The following FUT8 variants were observed in gnomAD, a reference collection of about 807,000 sequenced individuals.
FUT8 encodes fucosyltransferase 8.
In FUT8, 29 loss-of-function variants were observed where a neutral mutation model predicts 71.3. The observed-to-expected ratio is 0.41, with a 90% CI of 0.30 to 0.55. The LOEUF (loss-of-function observed/expected upper bound fraction) is 0.55, where lower values mean the gene tolerates loss of function less well. Ranked by LOEUF, FUT8 falls within the 20% of genes least tolerant of loss-of-function variation. The probability of loss-of-function intolerance (pLI) is 0.34; values close to 1 mark genes in which losing one functional copy is unlikely to be tolerated. For missense variants in FUT8, 544 were observed against 702.1 expected, an observed-to-expected ratio of 0.77 and a Z score of 2.55; for synonymous variants, 254 against 239.3, an observed-to-expected ratio of 1.06 and a Z score of -0.57.
At chr14:65,717,614 G>T (rs1302221619) in intron 7 of FUT8, among the ~76,000 whole-genome samples, 4 of 146,910 alleles carry the variant, frequency 2.7e-5, no homozygotes, top group Non-Finnish European at 6.0e-5. Context: ...GCCGGGCAGA[G>T]GCGCTCCCCA....
chr14:65,679,047 G>C (rs1892905294), intron 7 of FUT8, among the ~76,000 whole-genome samples: 1 of 152,152 alleles, frequency 6.6e-6, no homozygotes, highest in Non-Finnish European at 1.5e-5. Flanking sequence ...GAATGAACTG[G>C]AACATTTCAG....
intron 2 of FUT8, among the ~76,000 whole-genome samples, chr14:65,515,836 T>G (rs1566795929): frequency 6.6e-6 from 1 of 152,228 alleles, no homozygotes. Context: ...TTATATTTGT[T>G]TAAATGTGAA....
chr14:65,474,941 G>C (rs1295866259), intron 2 of FUT8, among the ~76,000 whole-genome samples: 1 of 152,070 alleles, frequency 6.6e-6, no homozygotes, highest in Non-Finnish European at 1.5e-5. Context: ...CTCCTGCCTC[G>C]GCCTTCCAAA....
intron 1 of FUT8, among the ~76,000 whole-genome samples, chr14:65,455,415 A>G (rs535869883): frequency 1.4e-4 from 22 of 152,224 alleles, no homozygotes; most frequent in Non-Finnish European, 1.9e-4. Flanking sequence ...AGTGTTACTG[A>G]GTTTGGGTAT....
chr14:65,389,352 A>G, the FUT8 span, among the ~76,000 whole-genome samples: 1 of 150,088 alleles, frequency 6.7e-6, no homozygotes. Context: ...TGGGACCACA[A>G]GAGTGTGCCA....
intron 8 of FUT8, among the ~76,000 whole-genome samples, chr14:65,722,526 G>C (rs985955525): frequency 6.6e-6 from 1 of 152,150 alleles, no homozygotes; most frequent in African/African-American, 2.4e-5. Flanking sequence ...ATATGTAGAG[G>C]AGTTATTGAC....
chr14:65,455,297 C>T (rs2065880734), intron 1 of FUT8, among the ~76,000 whole-genome samples: 1 of 152,060 alleles, frequency 6.6e-6, no homozygotes, highest in South Asian at 2.1e-4. Context: ...CTTCTGAATG[C>T]CTTTTATGTT....
chr14:65,732,520 A>G (rs1040790042), intron 9 of FUT8, among the ~76,000 whole-genome samples: 1 of 152,216 alleles, frequency 6.6e-6, no homozygotes, highest in African/African-American at 2.4e-5. Flanking sequence ...CCTCTATTAT[A>G]TTCCAGATTC....
intron 2 of FUT8, among the ~76,000 whole-genome samples, chr14:65,525,834 A>C (rs1883429045): frequency 6.6e-6 from 1 of 152,216 alleles, no homozygotes; most frequent in African/African-American, 2.4e-5. Context: ...GTAGTCATTC[A>C]GGAGCAGGTT....
intron 3 of FUT8, among the ~76,000 whole-genome samples, chr14:65,606,934 C>T: frequency 6.6e-6 from 1 of 151,696 alleles, no homozygotes; most frequent in East Asian, 1.9e-4. Context: ...AGGTATGTTG[C>T]TGTTTGTTAG....
chr14:65,476,637 ATTTTTTTTTTTTTTTTTTTTTT>A (rs200882761), intron 2 of FUT8, among the ~76,000 whole-genome samples: 144 of 124,954 alleles, frequency 1.2e-3, no homozygotes, highest in Non-Finnish European at 1.1e-3. Flanking sequence ...AAAGAAGTAG[ATTTTTTTTTTTTTTTTTTTTTT>A]TTTTTTTTTT....
At chr14:65,563,001 A>G (rs1885995568) in intron 3 of FUT8, among the ~76,000 whole-genome samples, 2 of 152,020 alleles carry the variant, frequency 1.3e-5, no homozygotes, top group Non-Finnish European at 2.9e-5. Context: ...TTTCTTCATA[A>G]TATTATTTGG....
At chr14:65,591,868 A>G (rs1462036902) in intron 3 of FUT8, among the ~76,000 whole-genome samples, 1 of 148,038 alleles carries the variant, frequency 6.8e-6, no homozygotes, top group Non-Finnish European at 1.5e-5. Context: ...TGTATGTCAT[A>G]TATAATCTAG....
chr14:65,723,854 T>A (rs1449108201), intron 8 of FUT8, among the ~76,000 whole-genome samples: 1 of 152,244 alleles, frequency 6.6e-6, no homozygotes, highest in Non-Finnish European at 1.5e-5. Context: ...AATGCAGCTC[T>A]GAAATTTCCC....
chr14:65,584,501 C>G (rs1214492157), intron 3 of FUT8, among the ~76,000 whole-genome samples: 2 of 152,268 alleles, frequency 1.3e-5, no homozygotes, highest in Admixed American at 6.5e-5. Context: ...TAACATCAAA[C>G]TTTGAAACTC....
chr14:65,487,000 G>T (rs1211159499), intron 2 of FUT8, among the ~76,000 whole-genome samples: 1 of 152,166 alleles, frequency 6.6e-6, no homozygotes, highest in Non-Finnish European at 1.5e-5. Flanking sequence ...CTGCCCTGTT[G>T]CCCTTCTGGA....
At chr14:65,465,252 T>TAAA (rs2066025439) in intron 2 of FUT8, among the ~76,000 whole-genome samples, 1 of 152,246 alleles carries the variant, frequency 6.6e-6, no homozygotes, top group South Asian at 2.1e-4. Flanking sequence ...TGATTAATTT[T>TAAA]ACCTTTCTTC....
At chr14:65,386,774 C>CA in the FUT8 span, among the ~76,000 whole-genome samples, 19,886 of 149,312 alleles carry the variant, frequency 0.13, 1,982 homozygotes, top group East Asian at 0.54. Flanking sequence ...TCTTGTATTC[C>CA]GTATTGTGAA....
intron 5 of FUT8, among the ~76,000 whole-genome samples, chr14:65,626,030 T>C (rs1889879577): frequency 1.3e-5 from 2 of 152,166 alleles, no homozygotes; most frequent in South Asian, 2.1e-4. Flanking sequence ...TTCCTTCTCA[T>C]TGATCAATCC....
Sources: gnomAD v4.1 joint callset for allele counts (sites outside exome capture counted in the v4.1 genomes callset) on GRCh38, gnomAD v4.1.1 for gene constraint, MANE v1.5 for transcripts, NCBI Gene and HGNC (gene_info 2026-07-23, HGNC 2026-07-21) for gene names.